Variants in SLC35F3 observed in about 807,000 individuals in gnomAD.
SLC35F3 encodes the protein solute carrier family 35 member F3, also known as putative thiamine transporter SLC35F3.
SLC35F3 carries 25 observed loss-of-function variants against 49.9 expected under a neutral mutation model. That is an observed-to-expected ratio of 0.50 (90% confidence interval 0.37 to 0.70). SLC35F3 has a LOEUF of 0.70. Ranked by LOEUF, SLC35F3 falls within the 30% of genes least tolerant of loss-of-function variation. The pLI, the probability that SLC35F3 is intolerant of heterozygous loss-of-function variation, is 0.00. For missense variants in SLC35F3, 525 were observed against 639.8 expected (o/e 0.82, Z 1.94); for synonymous variants, 275 against 265.4 (o/e 1.04, Z -0.35).
chr1:233,910,832 T>C (rs1219749873), intron 2 of SLC35F3, among the ~76,000 whole-genome samples: 1 of 152,218 alleles, frequency 6.6e-6, no homozygotes. Context: ...GAGATTTAAA[T>C]GCTTTTTTCC....
chr1:233,931,416 A>G (rs1662240401), intron 2 of SLC35F3, among the ~76,000 whole-genome samples: 1 of 152,266 alleles, frequency 6.6e-6, no homozygotes, highest in Non-Finnish European at 1.5e-5. Context: ...CCCAGAATCT[A>G]CAAAGAACTT....
At chr1:233,989,583 G>A (rs189658138) in intron 2 of SLC35F3, among the ~76,000 whole-genome samples, 59 of 152,100 alleles carry the variant, frequency 3.9e-4, no homozygotes, top group South Asian at 2.3e-3. Flanking sequence ...AGGAACTGGT[G>A]ATTCATAGAG....
intron 3 of SLC35F3, among the ~76,000 whole-genome samples, chr1:234,271,618 G>A (rs1022656082): frequency 3.3e-5 from 5 of 152,182 alleles, no homozygotes; most frequent in African/African-American, 1.2e-4. Context: ...ATGCATTGAT[G>A]TTATTTAATA....
chr1:233,931,574 A>G (rs987342589), intron 2 of SLC35F3, among the ~76,000 whole-genome samples: 1 of 152,266 alleles, frequency 6.6e-6, no homozygotes, highest in Non-Finnish European at 1.5e-5. Context: ...AGAGAAATGC[A>G]AATCAAAACC....
intron 2 of SLC35F3, among the ~76,000 whole-genome samples, chr1:233,936,470 T>G (rs1378619127): frequency 1.3e-5 from 2 of 152,134 alleles, no homozygotes; most frequent in African/African-American, 4.8e-5. Context: ...GAACATTTGA[T>G]GCTTCCCTTC....
chr1:234,239,205 T>C (rs911152745), intron 3 of SLC35F3, among the ~76,000 whole-genome samples: 2 of 152,124 alleles, frequency 1.3e-5, no homozygotes, highest in African/African-American at 4.8e-5. Context: ...TGAAGGATGG[T>C]CTCCCAGAGG....
intron 2 of SLC35F3, among the ~76,000 whole-genome samples, chr1:234,120,455 T>C (rs1464961663): frequency 6.6e-6 from 1 of 152,238 alleles, no homozygotes. Context: ...TTTGAATCCT[T>C]TGAGAACCGC....
intron 2 of SLC35F3, among the ~76,000 whole-genome samples, chr1:233,943,652 A>G (rs796830235): frequency 7.9e-5 from 12 of 152,346 alleles, no homozygotes; most frequent in African/African-American, 2.9e-4. Context: ...CAGTGTAAAT[A>G]TGGAATAAAT....
At chr1:234,156,798 C>T (rs1422600911) in intron 2 of SLC35F3, among the ~76,000 whole-genome samples, 2 of 151,768 alleles carry the variant, frequency 1.3e-5, no homozygotes, top group African/African-American at 2.4e-5. Context: ...AATGAAGTAC[C>T]GATACATGAT....
chr1:234,225,670 G>C (rs1667275323), intron 2 of SLC35F3, among the ~76,000 whole-genome samples: 1 of 152,182 alleles, frequency 6.6e-6, no homozygotes, highest in African/African-American at 2.4e-5. Context: ...TGAATGAGTG[G>C]CCTAAAAACT....
intron 3 of SLC35F3, among the ~76,000 whole-genome samples, chr1:234,291,821 T>C (rs550648422): frequency 2.0e-5 from 3 of 152,332 alleles, no homozygotes; most frequent in Admixed American, 6.5e-5. Context: ...TTGACTGCAG[T>C]TGGTCCTTGT....
intron 4 of SLC35F3, among the ~76,000 whole-genome samples, chr1:234,315,458 C>T (rs779029193): frequency 1.6e-4 from 25 of 152,168 alleles, no homozygotes; most frequent in Non-Finnish European, 2.5e-4. Flanking sequence ...TTAGGCAGAC[C>T]TGAAATCTGA....
chr1:234,276,209 A>G (rs371084688), intron 3 of SLC35F3, among the ~76,000 whole-genome samples: 1 of 152,224 alleles, frequency 6.6e-6, no homozygotes, highest in East Asian at 1.9e-4. Flanking sequence ...TGTAAAGAGA[A>G]ATGCTAAATT....
At chr1:234,174,583 G>A (rs998063925) in intron 2 of SLC35F3, among the ~76,000 whole-genome samples, 1 of 152,122 alleles carries the variant, frequency 6.6e-6, no homozygotes, top group African/African-American at 2.4e-5. Context: ...CCTGCCCGAG[G>A]TCACACAGCT....
chr1:234,110,643 A>AT (rs1665392415), intron 2 of SLC35F3, among the ~76,000 whole-genome samples: 1 of 152,252 alleles, frequency 6.6e-6, no homozygotes, highest in African/African-American at 2.4e-5. Flanking sequence ...ACCATATTCC[A>AT]TTTTTTGGAC....
intron 2 of SLC35F3, among the ~76,000 whole-genome samples, chr1:233,991,435 A>G (rs2102827344): frequency 6.6e-6 from 1 of 152,260 alleles, no homozygotes; most frequent in East Asian, 1.9e-4. Flanking sequence ...CTTCCATGGA[A>G]GAAAAAAAAA....
At chr1:234,240,703 G>A (rs1035829446) in intron 3 of SLC35F3, among the ~76,000 whole-genome samples, 1 of 152,112 alleles carries the variant, frequency 6.6e-6, no homozygotes, top group African/African-American at 2.4e-5. Context: ...AAATAATAAT[G>A]ATGATGATGA....
intron 3 of SLC35F3, chr1:234,261,575 T>C (rs1572121391): frequency 6.6e-6 from 1 of 152,192 alleles, no homozygotes; most frequent in Non-Finnish European, 1.5e-5. Flanking sequence ...TTTTGGCGGG[T>C]TTTGGCCGGC....
At chr1:234,043,991 T>C (rs1664257442) in intron 2 of SLC35F3, among the ~76,000 whole-genome samples, 1 of 152,196 alleles carries the variant, frequency 6.6e-6, no homozygotes, top group Admixed American at 6.5e-5. Context: ...TAGTTGCCAA[T>C]GTAACAGTGT....
Sources: allele counts gnomAD v4.1 joint callset (sites outside exome capture counted in the v4.1 genomes callset), GRCh38; gene constraint gnomAD v4.1.1; transcripts MANE v1.5; gene names NCBI Gene and HGNC (gene_info 2026-07-23, HGNC 2026-07-21).